UBE2D3: variants seen among roughly 807,000 people sequenced by gnomAD.
UBE2D3 encodes the protein ubiquitin conjugating enzyme E2 D3.
UBE2D3 carries 2 observed loss-of-function variants against 22.8 expected under a neutral mutation model. The ratio of observed to expected loss-of-function variants is 0.09; its 90% CI spans 0.04 to 0.28. The LOEUF (loss-of-function observed/expected upper bound fraction) is 0.28. UBE2D3 is among the 10% of genes least tolerant of loss of function. The pLI, the probability that UBE2D3 is intolerant of heterozygous loss-of-function variation, is 1.00. For synonymous variants in UBE2D3, 56 were observed against 60.4 expected (o/e 0.93, Z 0.34); for missense variants, 27 against 182.5 (o/e 0.15, Z 4.91).
chr4:102,853,135 A>ATCTTTTTTT (rs386626793), intron 1 of UBE2D3, among the ~76,000 whole-genome samples: 6,589 of 88,352 alleles, frequency 0.075, 1,434 homozygotes, highest in Admixed American at 0.083. Flanking sequence ...AAACACACAC[A>ATCTTTTTTT]TTTTTTTTTT....
chr4:102,809,654 A>G lies in UBE2D3; in HGVS notation c.120+18T>C. ...GGATTTTCACTTAAAACTAAATTTAAAAATTCTTAATACTTACAGGTCCCA... is the reference window on the plus strand; with the variant it reads ...GGATTTTCACTTAAAACTAAATTTAGAAATTCTTAATACTTACAGGTCCCA... On this transcript the variant is annotated intron_variant, in intron 4 of 7. Coordinates refer to ENST00000453744, the MANE Select transcript of UBE2D3 (RefSeq NM_181891.3). 1 of 1,584,712 alleles carries G rather than the reference A, an allele frequency of 6.3e-7. No homozygotes were observed. The highest frequency in any genetic ancestry group is 8.5e-7 in the Non-Finnish European group (1 of 1,169,790).
At chr4:102,815,841 C>G (rs1292136953) in intron 2 of UBE2D3, among the ~76,000 whole-genome samples, 2 of 152,154 alleles carry the variant, frequency 1.3e-5, no homozygotes, top group Non-Finnish European at 2.9e-5. Flanking sequence ...AGTATTTTAA[C>G]AATCAAAACA....
intron 2 of UBE2D3, among the ~76,000 whole-genome samples, chr4:102,816,009 G>T (rs747868624): frequency 1.3e-5 from 2 of 152,056 alleles, no homozygotes; most frequent in Admixed American, 1.3e-4. Flanking sequence ...AATAATTTTT[G>T]TAACATTATA....
chr4:102,849,582 CT>C (rs1417108291), intron 1 of UBE2D3, among the ~76,000 whole-genome samples: 1 of 151,998 alleles, frequency 6.6e-6, no homozygotes, highest in Non-Finnish European at 1.5e-5. Context: ...GGGCAAGTGA[CT>C]TTAACAGGCA....
At chr4:102,830,045 T>C (rs1731035452), upstream of UBE2D3, among the ~76,000 whole-genome samples, 1 of 152,250 alleles carries the variant, frequency 6.6e-6, no homozygotes, top group Non-Finnish European at 1.5e-5. Flanking sequence ...AATTCATTGG[T>C]TGATTGGGCT....
intron 1 of UBE2D3, chr4:102,827,015 G>C (rs1302740090): frequency 2.0e-6 from 2 of 994,172 alleles, no homozygotes; most frequent in Non-Finnish European, 2.4e-6. Flanking sequence ...GACTCCGGAC[G>C]GACGCCGGGC....
chr4:102,811,855 A>G (rs900368897), intron 2 of UBE2D3: 14 of 401,084 alleles, frequency 3.5e-5, no homozygotes, highest in Admixed American at 7.3e-5. Flanking sequence ...CATTCTCCAT[A>G]AAAAGAAAAA....
chr4:102,810,064 C>A, intron 2 of UBE2D3: 4 of 516,144 alleles, frequency 7.7e-6, no homozygotes, highest in Non-Finnish European at 1.4e-5. Flanking sequence ...AATATATATG[C>A]AAACACATTG....
chr4:102,847,491 TAGTC>T (rs150045126), intron 1 of UBE2D3, among the ~76,000 whole-genome samples: 17,649 of 151,990 alleles, frequency 0.12, 1,071 homozygotes, highest in Admixed American at 0.15. Flanking sequence ...TTTACCATGT[TAGTC>T]AGGCTGGTCT....
intron 6 of UBE2D3, among the ~76,000 whole-genome samples, chr4:102,800,377 T>C (rs1725964959): frequency 6.6e-6 from 1 of 152,012 alleles, no homozygotes; most frequent in Non-Finnish European, 1.5e-5. Flanking sequence ...AGAAAAAAGG[T>C]AGCTTCAGTT....
chr4:102,836,209 C>T (rs1320539211), intron 1 of UBE2D3, among the ~76,000 whole-genome samples: 1 of 144,022 alleles, frequency 6.9e-6, no homozygotes, highest in Non-Finnish European at 1.5e-5. Context: ...TGCAGTGGCG[C>T]AATCTTGGCT....
chr4:102,849,795 G>C (rs1442379187), intron 1 of UBE2D3, among the ~76,000 whole-genome samples: 2 of 152,198 alleles, frequency 1.3e-5, no homozygotes, highest in Non-Finnish European at 2.9e-5. Context: ...ACCACAGTGT[G>C]GAGAAAGTGA....
In UBE2D3 at chr4:102,826,613, A is replaced by G; in HGVS notation, c.-105T>C. On this transcript the variant is annotated 5_prime_UTR_variant, in exon 2 of 8. Coordinates refer to ENST00000453744, the MANE Select transcript of UBE2D3 (RefSeq NM_181891.3). ...GCGGGGCAGGATTGTCTCGTCTCAC[A>G]CCAGCTCTGCCAGACACAGGCGCCT... The G allele has an allele frequency of 6.3e-6, 10 of 1,592,812 alleles. No individual in the cohort carries two copies. The highest frequency in any genetic ancestry group is 6.8e-6 in the Non-Finnish European group (8 of 1,175,516).
chr4:102,820,062 T>G (rs1362513594), intron 2 of UBE2D3, among the ~76,000 whole-genome samples: 1 of 152,156 alleles, frequency 6.6e-6, no homozygotes, highest in Non-Finnish European at 1.5e-5. Context: ...AGGGAGTAAG[T>G]GCCTTAAGAA....
At chr4:102,831,021 C>T (rs1464476821), upstream of UBE2D3, among the ~76,000 whole-genome samples, 1 of 152,158 alleles carries the variant, frequency 6.6e-6, no homozygotes, top group Non-Finnish European at 1.5e-5. Context: ...ACATAATTAA[C>T]AGATTTTATA....
chr4:102,814,799 C>T (rs1001904695), intron 2 of UBE2D3, among the ~76,000 whole-genome samples: 5 of 152,010 alleles, frequency 3.3e-5, no homozygotes, highest in Non-Finnish European at 7.4e-5. Context: ...AAAACTGCTC[C>T]ACACATGGGC....
At chr4:102,802,881 C>A (rs1463803376) in intron 4 of UBE2D3, among the ~76,000 whole-genome samples, 1 of 152,074 alleles carries the variant, frequency 6.6e-6, no homozygotes, top group Non-Finnish European at 1.5e-5. Flanking sequence ...AAAAAGTTAT[C>A]CAGAAACGCA....
At chr4:102,868,331 G>A (rs1320812991) in intron 1 of UBE2D3, among the ~76,000 whole-genome samples, 3 of 152,030 alleles carry the variant, frequency 2.0e-5, no homozygotes, top group African/African-American at 4.8e-5. Flanking sequence ...GCCTCCCTAA[G>A]TGCTGGGATT....
chr4:102,857,209 TTAA>T (rs1732664606), intron 1 of UBE2D3, among the ~76,000 whole-genome samples: 1 of 152,190 alleles, frequency 6.6e-6, no homozygotes, highest in African/African-American at 2.4e-5. Flanking sequence ...AAGCTATTCT[TTAA>T]AAAGTCTTTG....
Sources: allele counts gnomAD v4.1 joint callset (sites outside exome capture counted in the v4.1 genomes callset), GRCh38; gene constraint gnomAD v4.1.1; transcripts MANE v1.5; gene names NCBI Gene and HGNC (gene_info 2026-07-23, HGNC 2026-07-21).